Variants in NSD1 observed in about 807,000 individuals in gnomAD.
The protein encoded by NSD1 is nuclear receptor binding SET domain protein 1.
A neutral mutation model predicts 242.7 loss-of-function variants in NSD1; 26 were observed. The ratio of observed to expected loss-of-function variants is 0.11; its 90% confidence interval spans 0.08 to 0.15. The LOEUF (loss-of-function observed/expected upper bound fraction) is 0.15, where lower values mean the gene tolerates loss of function less well. NSD1 is among the 10% of genes least tolerant of loss of function. The pLI is 1.00. For synonymous variants in NSD1, 1,106 were observed against 1,178.1 expected, an observed-to-expected ratio of 0.94 and a Z score of 1.25; for missense variants, 2,495 against 3,272.8, an observed-to-expected ratio of 0.76 and a Z score of 5.80.
At chr5:177,231,273 C>G (rs1302756194) in intron 5 of NSD1, among the ~76,000 whole-genome samples, 2 of 151,682 alleles carry the variant, frequency 1.3e-5, no homozygotes, top group Non-Finnish European at 2.9e-5. Flanking sequence ...TTTGTAGGGA[C>G]GAGGTCTCGC....
At chr5:177,160,467 AT>A in intron 2 of NSD1, among the ~76,000 whole-genome samples, 1 of 150,570 alleles carries the variant, frequency 6.6e-6, no homozygotes, top group Non-Finnish European at 1.5e-5. Context: ...CGCCCGGCTG[AT>A]TTTTTTGTAT....
rs569535948 is a variant in NSD1, at chr5:177,269,825, G to A, written c.5509+18G>A. 2.5e-6 allele frequency: 4 copies of A among 1,598,284 alleles called. No individual in the cohort carries two copies. Among genetic ancestry groups the A allele is most frequent in the East Asian group, 4.5e-5 (2 of 44,750 alleles). ...TAAAAAAGGTAACTTTATCCTTTTTGTTTCTCAGGCAAACACAGACCTCTG... is the reference window on the plus strand; with the variant it reads ...TAAAAAAGGTAACTTTATCCTTTTTATTTCTCAGGCAAACACAGACCTCTG... On this transcript the variant is annotated intron_variant, in intron 16 of 22. Coordinates refer to ENST00000439151, the MANE Select transcript of NSD1 (RefSeq NM_022455.5). This position sits in a 1 kb window ranked among gnomAD's most constrained non-coding sequence, Gnocchi z 5.1.
At chr5:177,155,764 G>C (rs1758078938) in intron 2 of NSD1, among the ~76,000 whole-genome samples, 1 of 151,912 alleles carries the variant, frequency 6.6e-6, no homozygotes, top group African/African-American at 2.4e-5. Flanking sequence ...TCGGTTCACT[G>C]CAACCTCTGC....
chr5:177,180,187 T>C lies in NSD1; in HGVS notation c.928-11697T>C, dbSNP rs1163567682. 2.6e-5 allele frequency among the ~76,000 whole-genome samples: 4 copies of C among 151,866 alleles called. No individual in the cohort carries two copies. The East Asian group carries it at 7.7e-4, about 29-fold the overall frequency. On this transcript the variant is annotated intron_variant, in intron 2 of 22. Transcript: ENST00000439151. ...TTGGCTCACTGCAACCTCCGCCTCC[T>C]GGATTCAAGTGATTCTCCTGCCTCA...
At chr5:177,288,710 T>G (rs1759537733) in intron 20 of NSD1, 109 bp from the exon 21 acceptor site, 2 of 803,162 alleles carry the variant, frequency 2.5e-6, no homozygotes, top group African/African-American at 1.7e-5. Context: ...AGAGCTAAAT[T>G]CTTTTTAAAA....
At chr5:177,205,531 A>G (rs1363457744) in intron 4 of NSD1, among the ~76,000 whole-genome samples, 1 of 151,244 alleles carries the variant, frequency 6.6e-6, no homozygotes. Context: ...TTATTGTGTT[A>G]AAATATATAT....
chr5:177,281,706 G>A (rs761315880), intron 18 of NSD1, among the ~76,000 whole-genome samples: 9 of 152,084 alleles, frequency 5.9e-5, no homozygotes, highest in Non-Finnish European at 4.4e-5. Flanking sequence ...AAACTGGAGC[G>A]CACTGGTGCC....
chr5:177,178,809 TA>T (rs1760420776), intron 2 of NSD1, among the ~76,000 whole-genome samples: 1 of 152,166 alleles, frequency 6.6e-6, no homozygotes, highest in Non-Finnish European at 1.5e-5. Context: ...TGCTGGAGTT[TA>T]AAACATGAAT....
At position 177,135,960 on chromosome 5, in the gene NSD1, C is replaced by T; in HGVS notation, c.857C>T (p.Thr286Ile). 2 of 1,613,964 alleles carry T rather than the reference C, an allele frequency of 1.2e-6. No homozygotes were observed. Among genetic ancestry groups the T allele is most frequent in the Non-Finnish European group, 8.5e-7 (1 of 1,179,942 alleles). ...LSFQDDPDSS[T>I]STLGNMLELP... ...TTTCAGGATGATCCAGATTCCAGTA[C>T]CAGTACATTAGGAAACATGCTAGAA... Residue 286 changes from threonine (T) to isoleucine (I), a missense_variant, in exon 2 of 23, where the codon ACC becomes ATC. By Grantham distance (89) the Thr-to-Ile change is moderately conservative. Coordinates refer to ENST00000439151, the MANE Select transcript of NSD1 (RefSeq NM_022455.5).
At chr5:177,195,838 G>A (rs1465645489) in intron 3 of NSD1, among the ~76,000 whole-genome samples, 1 of 152,018 alleles carries the variant, frequency 6.6e-6, no homozygotes, top group Non-Finnish European at 1.5e-5. Flanking sequence ...TAAATACCTT[G>A]TATAGATTGA....
At position 177,298,932 on chromosome 5, in the gene NSD1, G is replaced by A. The variant is rs1270688189; in HGVS notation, c.*3473G>A. 4.3e-6 allele frequency: 1 copy of A among 233,064 alleles called. No individual in the cohort carries two copies. The highest frequency in any genetic ancestry group is 2.2e-5 in the African/African-American group (1 of 45,356). 14.4% of individuals were successfully genotyped at this position (233,064 alleles called of 1,614,324 possible). A position where few individuals can be genotyped will look rare whatever the true frequency, so the allele number is the denominator to read the frequency against. On this transcript the variant is annotated 3_prime_UTR_variant, in exon 23 of 23. Coordinates refer to ENST00000439151, the MANE Select transcript of NSD1 (RefSeq NM_022455.5). The stretch of plus-strand genomic sequence containing the variant: ...GGGGTTTATCAGCCAGGTTAGAGGA[G>A]CCCAGTGTCCTAACCTCTCTCAGAT...
At chr5:177,166,810 C>T (rs983115729) in intron 2 of NSD1, among the ~76,000 whole-genome samples, 3 of 149,454 alleles carry the variant, frequency 2.0e-5, no homozygotes, top group Non-Finnish European at 3.0e-5. Context: ...GGCGCGATCT[C>T]GGCTCACTGA....
chr5:177,292,665 G>A (rs933822475), intron 22 of NSD1, among the ~76,000 whole-genome samples: 2 of 152,210 alleles, frequency 1.3e-5, no homozygotes, highest in Non-Finnish European at 2.9e-5. Flanking sequence ...GCCTAGTGCA[G>A]TCTCCCCCCA....
intron 2 of NSD1, among the ~76,000 whole-genome samples, chr5:177,167,875 T>A (rs1759343301): frequency 6.6e-6 from 1 of 152,194 alleles, no homozygotes; most frequent in Non-Finnish European, 1.5e-5. Flanking sequence ...GAGGAGCATC[T>A]GTATTGTTTT....
intron 2 of NSD1, among the ~76,000 whole-genome samples, chr5:177,158,998 T>TTATATATATATATATATATTAATGA (rs1554173201): frequency 8.2e-6 from 1 of 122,612 alleles, no homozygotes; most frequent in African/African-American, 3.8e-5. Flanking sequence ...ATGAATGATT[T>TTATATATATATATATATATTAATGA]TATATATATA....
rs1156510513 is a variant in NSD1, at chr5:177,135,839, G to A, written c.736G>A (p.Gly246Ser). Residue 246 changes from glycine (G) to serine (S), a missense_variant, in exon 2 of 23, where the codon GGC becomes AGC. Around this residue, in one of 19 missense-constraint regions of NSD1, gnomAD observed 376 missense variants for 367.4 expected, o/e 1.02. Coordinates refer to ENST00000439151, the MANE Select transcript of NSD1 (RefSeq NM_022455.5). ...QKNKQRNEVD[G>S]SNEKAALLPA... Reference sequence around the variant, plus strand: ...AAATAAGCAAAGAAATGAAGTGGACGGCAGCAATGAAAAAGCAGCCCTTCT... The same window carrying A: ...AAATAAGCAAAGAAATGAAGTGGACAGCAGCAATGAAAAAGCAGCCCTTCT... 6.2e-7 allele frequency: 1 copy of A among 1,605,860 alleles called. No homozygotes were observed. The highest frequency in any genetic ancestry group is 1.1e-5 in the South Asian group (1 of 90,484).
chr5:177,136,347 A>C, intron 2 of NSD1: 1 of 233,978 alleles, frequency 4.3e-6, no homozygotes, highest in Non-Finnish European at 8.4e-6. Context: ...AAAAAAAAAG[A>C]TGGGTTTTGG....
rs1756366939 is a variant in NSD1, at chr5:177,255,581, TG to T, written c.4766-1369del. ...TGGTTTTTGTTTTGTTTTGTTTTTT[TG>T]TTTTTTTGTTTTGTTTTTCTGAGAC... On this transcript the variant is annotated intron_variant, in intron 12 of 22. Transcript: ENST00000439151. Among the ~76,000 whole-genome samples the T allele has an allele frequency of 2.0e-5, 3 of 152,110 alleles. No homozygotes were observed. The South Asian group carries it at 6.2e-4, about 32-fold the overall frequency.
chr5:177,159,000 A>ATATATATATATATATATT (rs1758471001), intron 2 of NSD1, among the ~76,000 whole-genome samples: 1 of 18,072 alleles, frequency 5.5e-5, no homozygotes, highest in African/African-American at 2.2e-4. Flanking sequence ...GAATGATTTT[A>ATATATATATATATATATT]TATATATATA....
Sources: allele counts gnomAD v4.1 joint callset (sites outside exome capture counted in the v4.1 genomes callset), GRCh38; gene constraint gnomAD v4.1.1; regional missense constraint gnomAD v4.1.1; non-coding constraint Gnocchi (gnomAD v3.1); transcripts MANE v1.5; gene names NCBI Gene and HGNC (gene_info 2026-07-23, HGNC 2026-07-21).